Variants in KLHL1 observed in about 807,000 individuals in gnomAD.
The protein encoded by KLHL1 is kelch like family member 1.
Under a neutral mutation model 77.7 loss-of-function variants are expected in KLHL1, and 47 were observed. The ratio of observed to expected loss-of-function variants is 0.60; its 90% CI spans 0.48 to 0.77. KLHL1 has a LOEUF of 0.77. Ranked by LOEUF, KLHL1 falls within the 30% of genes least tolerant of loss-of-function variation. KLHL1 has a pLI of 0.00. For missense variants in KLHL1, 925 were observed against 910.8 expected (o/e 1.02, Z -0.20); for synonymous variants, 360 against 325.2 (o/e 1.11, Z -1.15).
intron 4 of KLHL1, among the ~76,000 whole-genome samples, chr13:69,938,501 A>C (rs763514938): frequency 1.1e-4 from 16 of 152,088 alleles, no homozygotes; most frequent in Non-Finnish European, 2.1e-4. Flanking sequence ...CTGCAAGGAA[A>C]ATATTTTCAT....
chr13:70,070,512 A>G (rs1680316274), intron 1 of KLHL1, among the ~76,000 whole-genome samples: 1 of 151,864 alleles, frequency 6.6e-6, no homozygotes. Flanking sequence ...CCATCCCTAG[A>G]GAAATTATCC....
chr13:70,096,204 T>A (rs184635762), intron 1 of KLHL1, among the ~76,000 whole-genome samples: 35 of 152,218 alleles, frequency 2.3e-4, no homozygotes, highest in Admixed American at 7.2e-4. Flanking sequence ...TTTGGATATA[T>A]ACCCAGTAGA....
At chr13:69,716,987 TC>T in intron 9 of KLHL1, among the ~76,000 whole-genome samples, 1 of 152,046 alleles carries the variant, frequency 6.6e-6, no homozygotes, top group Admixed American at 6.6e-5. Context: ...TTTCATCTGT[TC>T]CATAAACTAT....
intron 5 of KLHL1, among the ~76,000 whole-genome samples, chr13:69,846,147 G>C (rs943345795): frequency 3.3e-5 from 5 of 151,462 alleles, no homozygotes; most frequent in Non-Finnish European, 5.9e-5. Context: ...AACATTTCCA[G>C]TGTTCTGGTT....
chr13:70,014,445 T>C (rs1313644086), intron 1 of KLHL1, among the ~76,000 whole-genome samples: 1 of 152,088 alleles, frequency 6.6e-6, no homozygotes, highest in Non-Finnish European at 1.5e-5. Context: ...GTGCAGTCCA[T>C]AATAAGTATT....
In KLHL1 at chr13:69,958,072, A is replaced by C. The variant is rs541858040; in HGVS notation, c.817+3236T>G. ...ATCCTAAATAGTTGCAAGAATTATTATTTTTTTAAATTCTTTTGTCACAAA... is the reference window on the plus strand; with the variant it reads ...ATCCTAAATAGTTGCAAGAATTATTCTTTTTTTAAATTCTTTTGTCACAAA... On this transcript the variant is annotated intron_variant, in intron 3 of 10. Coordinates refer to ENST00000377844, the MANE Select transcript of KLHL1 (RefSeq NM_020866.3). Among the ~76,000 whole-genome samples the C allele has an allele frequency of 2.0e-5, 3 of 151,750 alleles. No homozygotes were observed. In the East Asian group the frequency reaches 5.8e-4, roughly 29 times the overall value.
rs575819319 is a variant in KLHL1, at chr13:69,729,265, C to T, written c.1803-9684G>A. Reference sequence around the variant, plus strand: ...TTAATCTGTCTTACTAGAAGCCTCACTAAATTTGTTATATGAAATTGATGC... The same window carrying T: ...TTAATCTGTCTTACTAGAAGCCTCATTAAATTTGTTATATGAAATTGATGC... On this transcript the variant is annotated intron_variant, in intron 8 of 10. Coordinates refer to ENST00000377844, the MANE Select transcript of KLHL1 (RefSeq NM_020866.3). Among the ~76,000 whole-genome samples the T allele has an allele frequency of 3.9e-5, 6 of 152,216 alleles. No homozygotes were observed. The South Asian group carries it at 8.3e-4, about 21-fold the overall frequency.
At chr13:69,958,381 A>T (rs1031930259) in intron 3 of KLHL1, among the ~76,000 whole-genome samples, 2 of 151,742 alleles carry the variant, frequency 1.3e-5, no homozygotes, top group African/African-American at 2.4e-5. Context: ...CAACATGGAG[A>T]GTGTTTCCCA....
chr13:70,069,540 A>C (rs2137415846), intron 1 of KLHL1, among the ~76,000 whole-genome samples: 1 of 152,342 alleles, frequency 6.6e-6, no homozygotes. Flanking sequence ...AGAATTCAGA[A>C]TTATAAGACT....
chr13:69,718,313 C>A (rs1014605535), intron 9 of KLHL1, among the ~76,000 whole-genome samples: 1 of 152,050 alleles, frequency 6.6e-6, no homozygotes, highest in African/African-American at 2.4e-5. Context: ...AAAGAGAATT[C>A]TATTACTTGC....
intron 1 of KLHL1, among the ~76,000 whole-genome samples, chr13:70,001,702 T>A (rs1399127910): frequency 1.4e-5 from 2 of 145,912 alleles, no homozygotes; most frequent in Non-Finnish European, 3.0e-5. Flanking sequence ...TCTATCATCT[T>A]TCTACTATCT....
intron 4 of KLHL1, among the ~76,000 whole-genome samples, chr13:69,916,686 CGTAT>C (rs1412204584): frequency 6.6e-6 from 1 of 151,506 alleles, no homozygotes; most frequent in Non-Finnish European, 1.5e-5. Context: ...TACATGTATA[CGTAT>C]GTAACAAACC....
At chr13:70,104,617 T>A (rs1888003420) in intron 1 of KLHL1, among the ~76,000 whole-genome samples, 1 of 152,124 alleles carries the variant, frequency 6.6e-6, no homozygotes, top group South Asian at 2.1e-4. Flanking sequence ...TATGTAAGGA[T>A]TAATTTAGCA....
chr13:69,786,192 C>T (rs962235699), intron 7 of KLHL1, among the ~76,000 whole-genome samples: 1 of 152,092 alleles, frequency 6.6e-6, no homozygotes, highest in African/African-American at 2.4e-5. Flanking sequence ...AAGCCTGGCA[C>T]AGACACAATC....
chr13:69,948,032 T>C (rs1883584858), intron 3 of KLHL1, among the ~76,000 whole-genome samples: 1 of 152,090 alleles, frequency 6.6e-6, no homozygotes, highest in Admixed American at 6.6e-5. Context: ...GATAGCCATA[T>C]TAAACTTGAT....
At chr13:69,902,252 T>C (rs1477329504) in intron 4 of KLHL1, among the ~76,000 whole-genome samples, 1 of 152,216 alleles carries the variant, frequency 6.6e-6, no homozygotes, top group East Asian at 1.9e-4. Flanking sequence ...TTTAAATTTC[T>C]TTCATGTTTG....
At chr13:69,975,950 A>G (rs1884533743) in intron 1 of KLHL1, 148 bp from the exon 2 acceptor site, 18 of 1,034,398 alleles carry the variant, frequency 1.7e-5, no homozygotes, top group Non-Finnish European at 2.2e-5. Flanking sequence ...TACAACTTCA[A>G]TAAATAAAAG....
intron 7 of KLHL1, among the ~76,000 whole-genome samples, chr13:69,784,882 ATTTTTTT>A (rs775109435): frequency 1.4e-4 from 11 of 79,504 alleles, no homozygotes; most frequent in African/African-American, 2.0e-4. Context: ...CAGAATATAC[ATTTTTTT>A]TTTTTTTTTT....
At chr13:70,024,493 G>C (rs1446328820) in intron 1 of KLHL1, among the ~76,000 whole-genome samples, 2 of 151,740 alleles carry the variant, frequency 1.3e-5, no homozygotes, top group Non-Finnish European at 2.9e-5. Context: ...GCTCTGCTTT[G>C]CTTTGCTTTC....
Sources: allele counts gnomAD v4.1 joint callset (sites outside exome capture counted in the v4.1 genomes callset), GRCh38; gene constraint gnomAD v4.1.1; transcripts MANE v1.5; gene names NCBI Gene and HGNC (gene_info 2026-07-23, HGNC 2026-07-21).